The following SMAD9 variants were observed in gnomAD, a reference collection of about 807,000 sequenced individuals.
SMAD9 encodes SMAD family member 9.
SMAD9 carries 36 observed loss-of-function variants against 46.1 expected under a neutral mutation model. The observed-to-expected ratio is 0.78, with a 90% CI of 0.60 to 1.03. The LOEUF (loss-of-function observed/expected upper bound fraction) is 1.03, where lower values mean the gene tolerates loss of function less well. Among genes scored for constraint, SMAD9 ranks in the 50% least tolerant of loss-of-function variants. The pLI, the probability that SMAD9 is intolerant of heterozygous loss-of-function variation, is 0.00. For missense variants in SMAD9, 572 were observed against 599.8 expected, an observed-to-expected ratio of 0.95 and a Z score of 0.48; for synonymous variants, 245 against 237.1, an observed-to-expected ratio of 1.03 and a Z score of -0.31.
intron 1 of SMAD9, among the ~76,000 whole-genome samples, chr13:36,908,650 C>G (rs1206055756): frequency 6.6e-6 from 1 of 152,098 alleles, no homozygotes; most frequent in African/African-American, 2.4e-5. Flanking sequence ...CATCATCACT[C>G]CTGAATTTGG....
chr13:36,866,901 T>C (rs1246893927), intron 4 of SMAD9, among the ~76,000 whole-genome samples: 1 of 152,220 alleles, frequency 6.6e-6, no homozygotes, highest in Non-Finnish European at 1.5e-5. Context: ...CATTTATGTA[T>C]ATTTCTAAGA....
At position 36,877,903 on chromosome 13, in the gene SMAD9, C is replaced by T. The variant is rs1297145186; in HGVS notation, c.412+1375G>A. ...TTTTAAGGTTAAGTGAACCTGCCTA[C>T]GTAGACAGGACCATCTCTTCACTGG... On this transcript the variant is annotated intron_variant, in intron 2 of 6. Transcript: ENST00000379826. 9.2e-5 allele frequency among the ~76,000 whole-genome samples: 14 copies of T among 152,116 alleles called. 1 individual carries two copies. Among genetic ancestry groups the T allele is most frequent in the East Asian group, 1.9e-4 (1 of 5,188 alleles).
At chr13:36,875,231 GT>G (rs1404791262) in intron 2 of SMAD9, among the ~76,000 whole-genome samples, 1 of 152,072 alleles carries the variant, frequency 6.6e-6, no homozygotes, top group Non-Finnish European at 1.5e-5. Context: ...AAAGGTAAAT[GT>G]TTTGGAATAA....
chr13:36,874,369 G>A (rs57482615), intron 2 of SMAD9, among the ~76,000 whole-genome samples: 2,620 of 152,232 alleles, frequency 0.017, 65 homozygotes, highest in African/African-American at 0.06. Context: ...AAAGAAATGA[G>A]AATCAACCGA....
At position 36,886,495 on chromosome 13, in the gene SMAD9, T is replaced by C. The variant is rs376552625; in HGVS notation, c.-186-6620A>G. On this transcript the variant is annotated intron_variant, in intron 1 of 6. Coordinates refer to ENST00000379826, the MANE Select transcript of SMAD9 (RefSeq NM_001127217.3). ...CAACAGAGAGGTTGGCTCTGTCTCC[T>C]AAAGGAAAGGACAAATCCGAGCTGA... Among the ~76,000 whole-genome samples, 17 of 152,328 alleles carry C rather than the reference T, an allele frequency of 1.1e-4. No homozygotes were observed. In the East Asian group the frequency reaches 1.7e-3, roughly 16 times the overall value.
intron 3 of SMAD9, among the ~76,000 whole-genome samples, chr13:36,869,963 T>C (rs763429700): frequency 6.6e-6 from 1 of 152,212 alleles, no homozygotes; most frequent in South Asian, 2.1e-4. Context: ...TATACCTCAA[T>C]AGAGCTTTTT....
chr13:36,865,484 T>C (rs1345163553), intron 5 of SMAD9, 53 bp downstream of exon 5: 45 of 1,465,514 alleles, frequency 3.1e-5, no homozygotes, highest in Non-Finnish European at 4.0e-5. Context: ...TCTACACACA[T>C]GACCATCTAC....
intron 2 of SMAD9, among the ~76,000 whole-genome samples, chr13:36,876,183 G>T (rs58166266): frequency 6.8e-5 from 9 of 133,028 alleles, no homozygotes; most frequent in Non-Finnish European, 1.3e-4. Flanking sequence ...TGTCACACGG[G>T]GGGAGACAGC....
intron 1 of SMAD9, among the ~76,000 whole-genome samples, chr13:36,894,900 A>G (rs2058516128): frequency 6.6e-6 from 1 of 152,056 alleles, no homozygotes; most frequent in Non-Finnish European, 1.5e-5. Context: ...CACCCCAAGA[A>G]CACTACTTGG....
At chr13:36,890,992 A>T (rs1339962988) in intron 1 of SMAD9, among the ~76,000 whole-genome samples, 1 of 152,106 alleles carries the variant, frequency 6.6e-6, no homozygotes, top group Non-Finnish European at 1.5e-5. Flanking sequence ...CTAACTCACA[A>T]GCCACTTTTA....
Position 36,911,624 on chromosome 13 carries a change from G to C in SMAD9, c.-187+8492C>G, listed in dbSNP as rs599236. ...CCGGCCAAAGGCTGCCTGGGGGGGG[G>C]GGGGGCGGGTGGAGTTCATAAACTG... On this transcript the variant is annotated intron_variant, in intron 1 of 6. Transcript: ENST00000379826. 7.5e-4 allele frequency among the ~76,000 whole-genome samples: 92 copies of C among 123,368 alleles called. 1 individual carries two copies. The highest frequency in any genetic ancestry group is 4.0e-3 in the Middle Eastern group (1 of 252). 80.9% of individuals were successfully genotyped at this position (123,368 alleles called of 152,430 possible).
At position 36,911,344 on chromosome 13, in the gene SMAD9, G is replaced by C. The variant is rs560464296; in HGVS notation, c.-187+8772C>G. Among the ~76,000 whole-genome samples the C allele has an allele frequency of 6.6e-5, 10 of 152,054 alleles. No individual in the cohort carries two copies. The South Asian group carries it at 2.1e-3, about 32-fold the overall frequency. On this transcript the variant is annotated intron_variant, in intron 1 of 6. Coordinates refer to ENST00000379826, the MANE Select transcript of SMAD9 (RefSeq NM_001127217.3). ...ATCATTAAGCCCCATGTAATTAATTGAAGTTCTAACCTAAAGCCCATTGCT... is the reference window on the plus strand; with the variant it reads ...ATCATTAAGCCCCATGTAATTAATTCAAGTTCTAACCTAAAGCCCATTGCT...
rs60358673 is a variant in SMAD9 at position 36,905,774 on chromosome 13, C to CA, written c.-187+14341dup. Reference sequence around the variant, plus strand: ...TAGATAAAAGGGCAAGACCCTGTCTCAAAAAAAAAAAAAAAAAAAAAAAAA... The same window carrying CA: ...TAGATAAAAGGGCAAGACCCTGTCTCAAAAAAAAAAAAAAAAAAAAAAAAAA... On this transcript the variant is annotated intron_variant, in intron 1 of 6. Coordinates refer to ENST00000379826, the MANE Select transcript of SMAD9 (RefSeq NM_001127217.3). 2.3e-3 allele frequency among the ~76,000 whole-genome samples: 151 copies of CA among 66,448 alleles called. 12 individuals are homozygous for CA. The highest frequency in any genetic ancestry group is 2.5e-3 in the Non-Finnish European group (91 of 36,124). 43.6% of individuals were successfully genotyped at this position (66,448 alleles called of 152,430 possible).
chr13:36,873,028 C>T lies in SMAD9; in HGVS notation c.413-113G>A, dbSNP rs544258252. On this transcript the variant is annotated intron_variant, in intron 2 of 6. Coordinates refer to ENST00000379826, the MANE Select transcript of SMAD9 (RefSeq NM_001127217.3). ...TTTGTTTATGATAGAGCTGTTTTTC[C>T]CCTTGGGAACTACTCCCATTAGTCT... 6.7e-5 allele frequency: 79 copies of T among 1,186,540 alleles called. No homozygotes were observed. In the East Asian group the frequency reaches 2.0e-3, roughly 30 times the overall value. 73.5% of individuals were successfully genotyped at this position (1,186,540 alleles called of 1,614,324 possible). A position where few individuals can be genotyped will look rare whatever the true frequency, so the allele number is the denominator to read the frequency against.
intron 1 of SMAD9, among the ~76,000 whole-genome samples, chr13:36,913,377 G>A (rs2058675845): frequency 1.3e-5 from 2 of 152,144 alleles, no homozygotes; most frequent in African/African-American, 4.8e-5. Flanking sequence ...CATAGGCAGG[G>A]TAGACACAAT....
chr13:36,860,442 T>A (rs1335024987), intron 5 of SMAD9, among the ~76,000 whole-genome samples: 1 of 148,568 alleles, frequency 6.7e-6, no homozygotes, highest in Non-Finnish European at 1.5e-5. Context: ...AAGGGAGAAA[T>A]TTTTTTACCT....
At chr13:36,913,987 T>C (rs2058680125) in intron 1 of SMAD9, among the ~76,000 whole-genome samples, 1 of 152,200 alleles carries the variant, frequency 6.6e-6, no homozygotes. Flanking sequence ...TCCTGCATAG[T>C]TATTTGGAAA....
At chr13:36,905,385 T>C (rs1190847333) in intron 1 of SMAD9, among the ~76,000 whole-genome samples, 1 of 152,186 alleles carries the variant, frequency 6.6e-6, no homozygotes, top group African/African-American at 2.4e-5. Flanking sequence ...CTTTTGTTAG[T>C]TACAGTTACT....
At chr13:36,881,312 A>C (rs1486890732) in intron 1 of SMAD9, among the ~76,000 whole-genome samples, 1 of 152,218 alleles carries the variant, frequency 6.6e-6, no homozygotes, top group African/African-American at 2.4e-5. Context: ...AGCTGACTCA[A>C]GTATTTTGGG....
Sources: allele counts gnomAD v4.1 joint callset (sites outside exome capture counted in the v4.1 genomes callset), GRCh38; gene constraint gnomAD v4.1.1; transcripts MANE v1.5; gene names NCBI Gene and HGNC (gene_info 2026-07-23, HGNC 2026-07-21).